Variants in SPACA1 observed in about 807,000 individuals in gnomAD.
The protein encoded by SPACA1 is sperm acrosome associated 1.
A neutral mutation model predicts 32.6 loss-of-function variants in SPACA1; 17 were observed. That is an observed-to-expected ratio of 0.52 (90% CI 0.36 to 0.78). The LOEUF (loss-of-function observed/expected upper bound fraction) is 0.78, where lower values mean the gene tolerates loss of function less well. Among genes scored for constraint, SPACA1 ranks in the 30% least tolerant of loss-of-function variants. The pLI is 0.01. For synonymous variants in SPACA1, 140 were observed against 138.1 expected, an observed-to-expected ratio of 1.01 and a Z score of -0.10; for missense variants, 363 against 373.4, an observed-to-expected ratio of 0.97 and a Z score of 0.23.
At chr6:88,056,661 TC>T (rs1372009679) in intron 2 of SPACA1, among the ~76,000 whole-genome samples, 3 of 152,154 alleles carry the variant, frequency 2.0e-5, no homozygotes, top group African/African-American at 7.2e-5. Context: ...GTCATCAACT[TC>T]CCTTTGCCCT....
chr6:88,059,690 C>T (rs578209715), intron 5 of SPACA1, 102 bp downstream of exon 5: 3 of 1,182,744 alleles, frequency 2.5e-6, no homozygotes, highest in Admixed American at 2.9e-5. Context: ...GCCCTCCCCC[C>T]AGAGTTTCTG....
intron 1 of SPACA1, among the ~76,000 whole-genome samples, chr6:88,052,196 A>T (rs1775737310): frequency 6.6e-6 from 1 of 152,202 alleles, no homozygotes; most frequent in Admixed American, 6.5e-5. Flanking sequence ...GCTGAAAGGG[A>T]CTTTAGAAAC....
At position 88,047,879 on chromosome 6, in the gene SPACA1, C is replaced by T. The variant is rs1222766621; in HGVS notation, c.-27C>T. The T allele has an allele frequency of 1.3e-6, 2 of 1,512,682 alleles. No homozygotes were observed. The highest frequency in any genetic ancestry group is 2.4e-4 in the Middle Eastern group (1 of 4,252). 93.7% of individuals were successfully genotyped at this position (1,512,682 alleles called of 1,614,324 possible). A position where few individuals can be genotyped will look rare whatever the true frequency, so the allele number is the denominator to read the frequency against. ...TCAGGAGCCGCGGCGGCGACTGCGCCTCGGACGGCCGTCGGGGCCGAGAAC... is the reference window on the plus strand; with the variant it reads ...TCAGGAGCCGCGGCGGCGACTGCGCTTCGGACGGCCGTCGGGGCCGAGAAC... On this transcript the variant is annotated 5_prime_UTR_variant, in exon 1 of 7. Coordinates refer to ENST00000237201, the MANE Select transcript of SPACA1 (RefSeq NM_030960.3).
chr6:88,056,333 A>G (rs903892006), intron 2 of SPACA1, among the ~76,000 whole-genome samples: 2 of 152,204 alleles, frequency 1.3e-5, no homozygotes, highest in Admixed American at 6.5e-5. Context: ...TAGCCTCTGC[A>G]ACAGAGCAAG....
chr6:88,056,218 G>A (rs1035108131), intron 2 of SPACA1, among the ~76,000 whole-genome samples: 4 of 152,060 alleles, frequency 2.6e-5, no homozygotes, highest in African/African-American at 9.7e-5. Flanking sequence ...GCTGGGCGTA[G>A]TGGCACGCGC....
intron 1 of SPACA1, among the ~76,000 whole-genome samples, chr6:88,052,480 A>G (rs1158817506): frequency 6.6e-6 from 1 of 152,212 alleles, no homozygotes; most frequent in Non-Finnish European, 1.5e-5. Context: ...TTTTCGTTAA[A>G]GAAATGACTT....
chr6:88,062,267 A>G (rs1288489041), intron 5 of SPACA1, among the ~76,000 whole-genome samples: 2 of 152,216 alleles, frequency 1.3e-5, no homozygotes, highest in Non-Finnish European at 2.9e-5. Context: ...ATCCAGAAAA[A>G]TAAGCAGTTG....
chr6:88,052,733 A>T (rs1163267436), intron 1 of SPACA1, among the ~76,000 whole-genome samples: 1 of 152,160 alleles, frequency 6.6e-6, no homozygotes, highest in Admixed American at 6.5e-5. Context: ...GCTACTCAGG[A>T]GGCTGAAGCA....
intron 1 of SPACA1, among the ~76,000 whole-genome samples, chr6:88,052,020 A>G (rs1037783957): frequency 6.6e-6 from 1 of 152,214 alleles, no homozygotes; most frequent in African/African-American, 2.4e-5. Context: ...CATTCAGACC[A>G]TATATTTTTT....
At chr6:88,064,364 T>A in intron 6 of SPACA1, 145 bp downstream of exon 6, 1 of 718,692 alleles carries the variant, frequency 1.4e-6, no homozygotes. Flanking sequence ...CTCCTGTGAC[T>A]GCCCTAGTTC....
intron 2 of SPACA1, among the ~76,000 whole-genome samples, chr6:88,057,184 G>A (rs898998733): frequency 1.3e-5 from 2 of 152,206 alleles, no homozygotes; most frequent in Non-Finnish European, 2.9e-5. Flanking sequence ...TTTATGACAT[G>A]TTATCAATTG....
intron 1 of SPACA1, among the ~76,000 whole-genome samples, chr6:88,049,852 C>T (rs1005847950): frequency 1.4e-4 from 22 of 152,072 alleles, no homozygotes; most frequent in African/African-American, 4.8e-4. Flanking sequence ...ATACTGATTC[C>T]AGATTTTGAG....
chr6:88,054,965 A>G (rs969348489), intron 2 of SPACA1, among the ~76,000 whole-genome samples: 1 of 152,008 alleles, frequency 6.6e-6, no homozygotes, highest in African/African-American at 2.4e-5. Flanking sequence ...CCCATTAAAC[A>G]CTAACTTCCT....
rs1402125108 is a variant in SPACA1 at position 88,057,614 on chromosome 6, A to T, written c.268A>T (p.Ile90Phe). 1 of 1,607,884 alleles carries T rather than the reference A, an allele frequency of 6.2e-7. No homozygotes were observed. Among genetic ancestry groups the T allele is most frequent in the Admixed American group, 1.7e-5 (1 of 59,998 alleles). Residue 90 changes from isoleucine to phenylalanine, a missense_variant and splice_region_variant, in exon 3 of 7, where the codon ATT becomes TTT. By Grantham distance (21) the Ile-to-Phe change is conservative. Transcript: ENST00000237201. ...EFGMCTVTCG[I>F]GVREVILTNG... ...CCTTTTTAAATTTTAAACCAAAGGT[A>T]TTGGTGTTAGAGAAGTTATATTAAC...
intron 5 of SPACA1, among the ~76,000 whole-genome samples, chr6:88,060,583 G>C (rs1359629371): frequency 2.0e-5 from 3 of 152,140 alleles, no homozygotes; most frequent in Non-Finnish European, 2.9e-5. Flanking sequence ...TTGATATGCT[G>C]TTTAATGAGT....
chr6:88,062,168 G>A (rs1775907041), intron 5 of SPACA1, among the ~76,000 whole-genome samples: 1 of 152,178 alleles, frequency 6.6e-6, no homozygotes, highest in South Asian at 2.1e-4. Flanking sequence ...GAACTATTTA[G>A]CGAGATCCCT....
upstream of SPACA1, among the ~76,000 whole-genome samples, chr6:88,047,284 A>C (rs1159641805): frequency 6.6e-6 from 1 of 152,104 alleles, no homozygotes; most frequent in African/African-American, 2.4e-5. Flanking sequence ...TAATCTCTTC[A>C]CTTAAAAATG....
At chr6:88,063,973 A>C in intron 5 of SPACA1, 126 bp from the exon 6 acceptor site, 1 of 1,054,418 alleles carries the variant, frequency 9.5e-7, no homozygotes, top group Admixed American at 3.0e-5. Flanking sequence ...GATCATTAAT[A>C]ATTTTCTCTG....
chr6:88,057,408 C>T (rs1006972974), intron 2 of SPACA1, among the ~76,000 whole-genome samples: 6 of 152,058 alleles, frequency 3.9e-5, no homozygotes, highest in Admixed American at 6.6e-5. Flanking sequence ...TAGTGTTTCA[C>T]GTAACTCACT....
Sources: gnomAD v4.1 joint callset for allele counts (sites outside exome capture counted in the v4.1 genomes callset) on GRCh38, gnomAD v4.1.1 for gene constraint, MANE v1.5 for transcripts, NCBI Gene and HGNC (gene_info 2026-07-23, HGNC 2026-07-21) for gene names.